ATP10A: variants seen among roughly 807,000 people sequenced by gnomAD.
ATP10A encodes the protein ATPase phospholipid transporting 10A (putative), also known as phospholipid-transporting ATPase VA.
A neutral mutation model predicts 147.8 loss-of-function variants in ATP10A; 111 were observed. The observed-to-expected ratio is 0.75, with a 90% CI of 0.64 to 0.88. ATP10A has a LOEUF of 0.88. Ranked by LOEUF, ATP10A falls within the 40% of genes least tolerant of loss-of-function variation. The pLI is 0.00. For synonymous variants in ATP10A, 875 were observed against 841.6 expected, an observed-to-expected ratio of 1.04 and a Z score of -0.69; for missense variants, 1,927 against 1,959.0, an observed-to-expected ratio of 0.98 and a Z score of 0.31.
At chr15:25,733,542 C>G (rs1438333735) in intron 3 of ATP10A, among the ~76,000 whole-genome samples, 2 of 152,330 alleles carry the variant, frequency 1.3e-5, no homozygotes, top group East Asian at 1.9e-4. Context: ...CAAGTATTAA[C>G]ACACTGCTGC....
chr15:25,736,235 C>T, intron 2 of ATP10A, 94 bp from the exon 3 acceptor site: 2 of 972,076 alleles, frequency 2.1e-6, no homozygotes, highest in Admixed American at 3.9e-5. Flanking sequence ...CCGCGGCAGG[C>T]ACATTTCACG....
At chr15:25,819,185 G>A (rs982269588) in intron 1 of ATP10A, among the ~76,000 whole-genome samples, 3 of 152,098 alleles carry the variant, frequency 2.0e-5, no homozygotes, top group African/African-American at 7.2e-5. Context: ...GCCGCTGACA[G>A]GGGATTAACA....
Position 25,780,604 on chromosome 15 carries a change from G to A in ATP10A, c.654+415C>T, listed in dbSNP as rs572409420. ...CAGGATTCAGCTACGAAGACCTCGC[G>A]CTGAACCCAAACACCCTTGAGGAGA... is the stretch of plus-strand genomic sequence containing the variant. On this transcript the variant is annotated intron_variant, in intron 2 of 20. Coordinates refer to ENST00000555815, the MANE Select transcript of ATP10A (RefSeq NM_024490.4). Among the ~76,000 whole-genome samples, 11 of 152,278 alleles carry A rather than the reference G, an allele frequency of 7.2e-5. No homozygotes were observed. The South Asian group carries it at 1.2e-3, about 17-fold the overall frequency.
intron 1 of ATP10A, among the ~76,000 whole-genome samples, chr15:25,789,740 C>T (rs1366511018): frequency 6.6e-6 from 1 of 152,174 alleles, no homozygotes; most frequent in African/African-American, 2.4e-5. Flanking sequence ...TCAAAGGTTT[C>T]TCCGCCATCA....
At chr15:25,817,100 T>C (rs1315280387) in intron 1 of ATP10A, among the ~76,000 whole-genome samples, 2 of 152,142 alleles carry the variant, frequency 1.3e-5, no homozygotes, top group Non-Finnish European at 2.9e-5. Flanking sequence ...GTTTTTTTCT[T>C]GAGACAGAGT....
At chr15:25,771,495 C>T (rs752505883) in intron 2 of ATP10A, among the ~76,000 whole-genome samples, 9 of 152,098 alleles carry the variant, frequency 5.9e-5, no homozygotes, top group South Asian at 2.1e-4. Context: ...TAATAATGTC[C>T]ACTAGAGGCT....
At chr15:25,693,805 C>T (rs1225580244) in intron 14 of ATP10A, among the ~76,000 whole-genome samples, 4 of 152,192 alleles carry the variant, frequency 2.6e-5, no homozygotes, top group Non-Finnish European at 4.4e-5. Context: ...GGCCAGTGCT[C>T]GCTCTCCTCA....
At chr15:25,704,697 C>T (rs1024302791) in intron 12 of ATP10A, among the ~76,000 whole-genome samples, 4 of 152,210 alleles carry the variant, frequency 2.6e-5, no homozygotes, top group East Asian at 1.9e-4. Context: ...ACCCCCACCT[C>T]GGCATGAAAC....
intron 1 of ATP10A, among the ~76,000 whole-genome samples, chr15:25,801,529 G>C (rs770803340): frequency 1.1e-4 from 16 of 152,234 alleles, no homozygotes; most frequent in Non-Finnish European, 1.9e-4. Flanking sequence ...GGGCGGACGA[G>C]AGTCCTGGGG....
chr15:25,748,230 G>A (rs558131503), intron 2 of ATP10A, among the ~76,000 whole-genome samples: 1 of 152,212 alleles, frequency 6.6e-6, no homozygotes, highest in East Asian at 1.9e-4. Flanking sequence ...CCAAAGTGCT[G>A]GGATTACAGG....
chr15:25,699,934 GT>G (rs1900570924), intron 13 of ATP10A, among the ~76,000 whole-genome samples: 1 of 152,014 alleles, frequency 6.6e-6, no homozygotes, highest in Non-Finnish European at 1.5e-5. Flanking sequence ...AAAAGCTTTT[GT>G]GAAAGACAAT....
intron 2 of ATP10A, among the ~76,000 whole-genome samples, chr15:25,767,264 G>C (rs1437657046): frequency 6.6e-6 from 1 of 152,182 alleles, no homozygotes; most frequent in Non-Finnish European, 1.5e-5. Flanking sequence ...AGAGGAGATG[G>C]GTGGACACGC....
chr15:25,772,473 A>G (rs1288615481), intron 2 of ATP10A, among the ~76,000 whole-genome samples: 3 of 152,040 alleles, frequency 2.0e-5, no homozygotes, highest in Non-Finnish European at 2.9e-5. Context: ...GGAGATGTCA[A>G]CCTCAGAGTC....
intron 2 of ATP10A, among the ~76,000 whole-genome samples, chr15:25,741,042 C>A (rs1165232353): frequency 1.3e-5 from 2 of 152,194 alleles, no homozygotes; most frequent in African/African-American, 4.8e-5. Flanking sequence ...TCTGGAGAAG[C>A]CTTCCTGACG....
chr15:25,672,880 G>A (rs1467892911), downstream of ATP10A, among the ~76,000 whole-genome samples: 1 of 152,170 alleles, frequency 6.6e-6, no homozygotes, highest in Non-Finnish European at 1.5e-5. Context: ...TGGTGCCTGG[G>A]AGGGAGAAGG....
chr15:25,759,411 TA>T (rs750004146), intron 2 of ATP10A, among the ~76,000 whole-genome samples: 1 of 152,170 alleles, frequency 6.6e-6, no homozygotes, highest in Non-Finnish European at 1.5e-5. Flanking sequence ...TTTAAGTTTT[TA>T]AAAAACTGAG....
chr15:25,683,147 C>T (rs1207971020), intron 17 of ATP10A, 139 bp downstream of exon 17: 1 of 804,838 alleles, frequency 1.2e-6, no homozygotes, highest in Non-Finnish European at 1.9e-6. Flanking sequence ...TTTCTCCATC[C>T]TCTAGAATGG....
intron 14 of ATP10A, among the ~76,000 whole-genome samples, chr15:25,694,428 T>C (rs1335255904): frequency 6.6e-6 from 1 of 152,196 alleles, no homozygotes; most frequent in Admixed American, 6.5e-5. Flanking sequence ...AGGCTCATGG[T>C]GACCAGAAGC....
chr15:25,802,724 C>T (rs573114788), intron 1 of ATP10A, among the ~76,000 whole-genome samples: 36 of 152,268 alleles, frequency 2.4e-4, no homozygotes, highest in African/African-American at 7.5e-4. Flanking sequence ...ACTGGGCCAC[C>T]GGCACTCTGG....
Sources: allele counts gnomAD v4.1 joint callset (sites outside exome capture counted in the v4.1 genomes callset), GRCh38; gene constraint gnomAD v4.1.1; transcripts MANE v1.5; gene names NCBI Gene and HGNC (gene_info 2026-07-23, HGNC 2026-07-21).